Variants in NEDD1 observed in about 807,000 individuals in gnomAD.
NEDD1 encodes protein NEDD1.
A neutral mutation model predicts 74.0 loss-of-function variants in NEDD1; 33 were observed. The observed-to-expected ratio is 0.45, with a 90% CI of 0.34 to 0.60. The LOEUF is 0.60. NEDD1 is among the 20% of genes least tolerant of loss of function. The pLI, the probability that NEDD1 is intolerant of heterozygous loss-of-function variation, is 0.01. For synonymous variants in NEDD1, 250 were observed against 264.4 expected (o/e 0.95, Z 0.53); for missense variants, 746 against 776.5 (o/e 0.96, Z 0.47).
intron 8 of NEDD1, 45 bp downstream of exon 8, chr12:96,936,857 C>A (rs766165426): frequency 8.3e-7 from 1 of 1,205,038 alleles, no homozygotes; most frequent in South Asian, 1.3e-5. Context: ...TTAAATAAAT[C>A]TAACTCAGAA....
At position 96,937,218 on chromosome 12, in the gene NEDD1, T is replaced by G; in HGVS notation, c.942T>G (p.Cys314Trp). The stretch of plus-strand genomic sequence containing the variant: ...TTCAGTCAAGTTTAAATAAAGGCTG[T>G]TCAAATAAGCCCACAACAGTGAACA... ...VLTKSSLNKG[C>W]SNKPTTVNKR... The change falls in exon 9 of 16, where the codon TGT (cysteine) becomes TGG (tryptophan). Residue 314 changes from cysteine (C) to tryptophan (W), a missense_variant. Coordinates refer to ENST00000266742, the MANE Select transcript of NEDD1 (RefSeq NM_152905.4). 1 of 1,601,466 alleles carries G rather than the reference T, an allele frequency of 6.2e-7. No individual in the cohort carries two copies. Among genetic ancestry groups the G allele is most frequent in the Non-Finnish European group, 8.5e-7 (1 of 1,173,870 alleles).
intron 6 of NEDD1, among the ~76,000 whole-genome samples, chr12:96,929,130 A>T (rs1876062310): frequency 6.7e-6 from 1 of 149,310 alleles, no homozygotes; most frequent in Non-Finnish European, 1.5e-5. Flanking sequence ...GTGGTTTATC[A>T]TTTTTTCTCA....
rs933903038 is a variant in NEDD1 at position 96,953,225 on chromosome 12, A to G, written c.*1172A>G. ...TACTAAAATTAAAAAAAAAAAAACA[A>G]AAAACAAACCTTTAGCTCACTAACT... On this transcript the variant is annotated 3_prime_UTR_variant, in exon 16 of 16. Transcript: ENST00000266742. 6.6e-6 allele frequency: 1 copy of G among 151,294 alleles called. No homozygotes were observed. The highest frequency in any genetic ancestry group is 2.4e-5 in the African/African-American group (1 of 41,358). The allele number at this position is 151,294 out of a possible 1,614,324, so 9.4% of individuals were successfully genotyped here.
At chr12:96,943,130 G>A (rs1487252485) in intron 11 of NEDD1, among the ~76,000 whole-genome samples, 1 of 152,018 alleles carries the variant, frequency 6.6e-6, no homozygotes, top group African/African-American at 2.4e-5. Flanking sequence ...TTCAAAGGGA[G>A]GAGATTACCC....
chr12:96,945,379 A>G (rs754740555), intron 13 of NEDD1, among the ~76,000 whole-genome samples: 9 of 152,010 alleles, frequency 5.9e-5, no homozygotes, highest in Non-Finnish European at 1.0e-4. Flanking sequence ...TGGTTTATCT[A>G]GTTTATGGTG....
intron 6 of NEDD1, among the ~76,000 whole-genome samples, chr12:96,930,197 ACACACACACACACACTCT>A (rs1462180332): frequency 1.6e-3 from 121 of 73,660 alleles, no homozygotes; most frequent in East Asian, 4.7e-3. Context: ...ACACACACAC[ACACACACACACACACTCT>A]CTCTCTCTCT....
intron 6 of NEDD1, among the ~76,000 whole-genome samples, chr12:96,926,410 A>G (rs993454536): frequency 4.6e-5 from 7 of 152,194 alleles, no homozygotes; most frequent in African/African-American, 1.7e-4. Context: ...CCATTAAAAC[A>G]GAATACATGG....
intron 6 of NEDD1, among the ~76,000 whole-genome samples, chr12:96,926,289 G>A (rs946315625): frequency 6.6e-6 from 1 of 152,170 alleles, no homozygotes; most frequent in Non-Finnish European, 1.5e-5. Flanking sequence ...GAGCATTAAA[G>A]AGGGTGAAAA....
At position 96,912,789 on chromosome 12, in the gene NEDD1, C is replaced by T. The variant is rs778222315; in HGVS notation, c.203C>T (p.Pro68Leu). Residue 68 changes from proline to leucine, a missense_variant, in exon 4 of 16, where the codon CCT becomes CTT. By Grantham distance (98) the Pro-to-Leu change is moderately conservative. Around this residue, in one of 3 missense-constraint regions of NEDD1, gnomAD observed 706 missense variants for 706.7 expected, o/e 1.00. Coordinates refer to ENST00000266742, the MANE Select transcript of NEDD1 (RefSeq NM_152905.4). ...KIVVSSCKCK[P>L]VPLLELAEGQ... is the part of the protein sequence containing the mutation. ...GTTGTCTCAAGTTGCAAATGTAAAC[C>T]TGTTCCACTTTTAGAGCTTGCTGAA... 1 of 1,605,732 alleles carries T rather than the reference C, an allele frequency of 6.2e-7. No individual in the cohort carries two copies. Among genetic ancestry groups the T allele is most frequent in the Non-Finnish European group, 8.5e-7 (1 of 1,173,838 alleles).
chr12:96,907,470 A>C, intron 1 of NEDD1, 134 bp from the exon 2 acceptor site: 1 of 730,616 alleles, frequency 1.4e-6, no homozygotes, highest in Non-Finnish European at 2.3e-6. Context: ...TGGGCTGGGA[A>C]GTGTCCGGGG....
At chr12:96,948,601 T>G (rs1427802354) in intron 14 of NEDD1, among the ~76,000 whole-genome samples, 1 of 152,212 alleles carries the variant, frequency 6.6e-6, no homozygotes, top group African/African-American at 2.4e-5. Flanking sequence ...AATTATACTT[T>G]TGCACCAACC....
chr12:96,936,240 T>C lies in NEDD1; in HGVS notation c.720-371T>C, dbSNP rs565038337. Among the ~76,000 whole-genome samples, 14 of 152,300 alleles carry C rather than the reference T, an allele frequency of 9.2e-5. No individual in the cohort carries two copies. The South Asian group carries it at 2.9e-3, about 32-fold the overall frequency. ...CCTAAGCAGGTCAATAAATGGAAAG[T>C]GGATACTTAGGCCCTCCTCAACCAT... is the stretch of plus-strand genomic sequence containing the variant. On this transcript the variant is annotated intron_variant, in intron 7 of 15. Coordinates refer to ENST00000266742, the MANE Select transcript of NEDD1 (RefSeq NM_152905.4).
intron 3 of NEDD1, among the ~76,000 whole-genome samples, chr12:96,911,763 A>G (rs1400193153): frequency 1.3e-5 from 2 of 151,904 alleles, no homozygotes; most frequent in African/African-American, 4.8e-5. Context: ...TCGCTATGGT[A>G]ATATCTAGGT....
At chr12:96,943,996 T>TA (rs1398290662) in intron 12 of NEDD1, among the ~76,000 whole-genome samples, 1 of 152,142 alleles carries the variant, frequency 6.6e-6, no homozygotes, top group African/African-American at 2.4e-5. Flanking sequence ...TATATCTTGA[T>TA]AAAGTGTGCA....
At chr12:96,950,015 A>C (rs1174395025) in intron 14 of NEDD1, among the ~76,000 whole-genome samples, 1 of 152,082 alleles carries the variant, frequency 6.6e-6, no homozygotes, top group Non-Finnish European at 1.5e-5. Flanking sequence ...CACATTAATA[A>C]GAACTATTTA....
chr12:96,907,677 G>C lies in NEDD1; in HGVS notation c.-188G>C. The C allele has an allele frequency of 1.3e-6, 2 of 1,551,230 alleles. No individual in the cohort carries two copies. Among genetic ancestry groups the C allele is most frequent in the Non-Finnish European group, 1.7e-6 (2 of 1,146,732 alleles). ...CAAGTAAAGTGTATTTTTGGTGATTGAAAGTTGGAGAACTTTCATTTCAGC... is the reference window on the plus strand; with the variant it reads ...CAAGTAAAGTGTATTTTTGGTGATTCAAAGTTGGAGAACTTTCATTTCAGC... On this transcript the variant is annotated 5_prime_UTR_variant, in exon 2 of 16. Coordinates refer to ENST00000266742, the MANE Select transcript of NEDD1 (RefSeq NM_152905.4).
At chr12:96,940,742 A>T (rs565812055) in intron 10 of NEDD1, among the ~76,000 whole-genome samples, 1 of 152,198 alleles carries the variant, frequency 6.6e-6, no homozygotes, top group East Asian at 1.9e-4. Flanking sequence ...TCACATGGGA[A>T]TTATGCAAAT....
At chr12:96,922,206 T>C (rs1875175497) in intron 6 of NEDD1, among the ~76,000 whole-genome samples, 1 of 152,176 alleles carries the variant, frequency 6.6e-6, no homozygotes, top group Non-Finnish European at 1.5e-5. Flanking sequence ...AGATAAATGA[T>C]TTGCCAAAGG....
In NEDD1 at chr12:96,952,107, G is replaced by A. The variant is rs533659453; in HGVS notation, c.*54G>A. On this transcript the variant is annotated 3_prime_UTR_variant, in exon 16 of 16. Coordinates refer to ENST00000266742, the MANE Select transcript of NEDD1 (RefSeq NM_152905.4). ...AATTTGGGAAGTTTCTGGCAACACA[G>A]AACTACATAGAATCAGTATTGTTTT... 2 of 913,634 alleles carry A rather than the reference G, an allele frequency of 2.2e-6. No individual in the cohort carries two copies. Among genetic ancestry groups the A allele is most frequent in the Admixed American group, 3.6e-5 (2 of 56,186 alleles). 56.6% of individuals were successfully genotyped at this position (913,634 alleles called of 1,614,324 possible).
Sources: gnomAD v4.1 joint callset for allele counts (sites outside exome capture counted in the v4.1 genomes callset) on GRCh38, gnomAD v4.1.1 for gene constraint, gnomAD v4.1.1 regional missense constraint, MANE v1.5 for transcripts, NCBI Gene and HGNC (gene_info 2026-07-23, HGNC 2026-07-21) for gene names.